Variants in CCNH observed in about 807,000 individuals in gnomAD.
CCNH encodes the protein cyclin H.
CCNH carries 31 observed loss-of-function variants against 41.9 expected under a neutral mutation model. The ratio of observed to expected loss-of-function variants is 0.74; its 90% CI spans 0.56 to 1.00. CCNH has a LOEUF of 1.00. Ranked by LOEUF, CCNH falls within the 50% of genes least tolerant of loss-of-function variation. CCNH has a pLI of 0.00. For synonymous variants in CCNH, 138 were observed against 136.1 expected (o/e 1.01, Z -0.10); for missense variants, 362 against 388.4 (o/e 0.93, Z 0.57).
chr5:87,315,755 A>G (rs1180016695), downstream of CCNH, among the ~76,000 whole-genome samples: 2 of 152,198 alleles, frequency 1.3e-5, no homozygotes, highest in Non-Finnish European at 2.9e-5. Context: ...GTCTGCTTCC[A>G]TTATTTTTGT....
chr5:87,323,279 C>T (rs1354064113), intron 9 of CCNH, among the ~76,000 whole-genome samples: 2 of 152,072 alleles, frequency 1.3e-5, no homozygotes, highest in Admixed American at 6.5e-5. Flanking sequence ...AGGGAGAAAA[C>T]TAATGCCTTA....
At chr5:87,407,887 GGAT>G in intron 4 of CCNH, 86 bp downstream of exon 4, 1 of 965,710 alleles carries the variant, frequency 1.0e-6, no homozygotes, top group East Asian at 2.5e-5. Flanking sequence ...ATAACAACGA[GGAT>G]GATTATGAGT....
chr5:87,378,566 T>G (rs748849625), upstream of CCNH: 1 of 1,574,222 alleles, frequency 6.4e-7, no homozygotes, highest in Admixed American at 1.7e-5. Flanking sequence ...TAATAAGTAT[T>G]TTTGCAAAGA....
intron 9 of CCNH, chr5:87,331,190 T>TAAATTGAGTTA: frequency 1.0e-6 from 1 of 982,878 alleles, no homozygotes; most frequent in Non-Finnish European, 1.6e-6. Flanking sequence ...AGACTGAGGT[T>TAAATTGAGTTA]AAATTGAGTT....
At chr5:87,371,103 A>G (rs1056122734) in intron 9 of CCNH, among the ~76,000 whole-genome samples, 9 of 152,132 alleles carry the variant, frequency 5.9e-5, no homozygotes, top group African/African-American at 1.7e-4. Context: ...GTATTTTACC[A>G]TGGTCCCTCT....
chr5:87,320,347 G>A (rs1044885464), intron 9 of CCNH, among the ~76,000 whole-genome samples: 8 of 152,114 alleles, frequency 5.3e-5, no homozygotes, highest in Admixed American at 2.6e-4. Context: ...CACTTCTCTG[G>A]TACCAGTTTT....
chr5:87,392,514 G>A (rs760805939), downstream of CCNH: 7 of 369,166 alleles, frequency 1.9e-5, no homozygotes, highest in Non-Finnish European at 3.7e-5. Flanking sequence ...GCTGGACTTG[G>A]ACCAACATAG....
At chr5:87,376,242 A>C, downstream of CCNH, 1 of 864,166 alleles carries the variant, frequency 1.2e-6, no homozygotes, top group Non-Finnish European at 1.8e-6. Flanking sequence ...GTAAATAAAC[A>C]ACTAAATATT....
At chr5:87,393,409 C>T (rs910062936), downstream of CCNH, 5 of 152,070 alleles carry the variant, frequency 3.3e-5, no homozygotes, top group Admixed American at 1.3e-4. Flanking sequence ...CTAATTAATC[C>T]TATGAAGAGT....
At chr5:87,331,044 C>A in intron 9 of CCNH, 1 of 1,264,100 alleles carries the variant, frequency 7.9e-7, no homozygotes. Flanking sequence ...GATCTGGTTG[C>A]AGTAGTGTTT....
At chr5:87,360,626 AAATCATATT>A (rs1398055136) in intron 9 of CCNH, among the ~76,000 whole-genome samples, 13 of 152,194 alleles carry the variant, frequency 8.5e-5, no homozygotes, top group African/African-American at 3.1e-4. Context: ...GCCCATTCAC[AAATCATATT>A]AAGTAAATTT....
intron 9 of CCNH, among the ~76,000 whole-genome samples, chr5:87,330,123 A>G (rs1357598761): frequency 1.3e-5 from 2 of 152,158 alleles, no homozygotes; most frequent in Non-Finnish European, 2.9e-5. Flanking sequence ...CATTATTTTC[A>G]GCCTTATGCA....
At chr5:87,405,377 G>A (rs536745640) in intron 4 of CCNH, among the ~76,000 whole-genome samples, 152 of 152,260 alleles carry the variant, frequency 1.0e-3, no homozygotes, top group African/African-American at 3.5e-3. Flanking sequence ...TCAGGAAGAA[G>A]TAAATAAAAA....
At chr5:87,317,878 C>T (rs754917365), downstream of CCNH, among the ~76,000 whole-genome samples, 8 of 152,050 alleles carry the variant, frequency 5.3e-5, no homozygotes, top group African/African-American at 1.2e-4. Context: ...TCAAGCAATC[C>T]GCCCACCTCA....
At chr5:87,331,929 A>G (rs1443497568) in intron 9 of CCNH, among the ~76,000 whole-genome samples, 1 of 152,070 alleles carries the variant, frequency 6.6e-6, no homozygotes, top group Non-Finnish European at 1.5e-5. Context: ...AGACATATAA[A>G]TTTTCAAGTA....
In CCNH at chr5:87,326,724, G is replaced by C. The variant is rs1042330925; in HGVS notation, c.*91-7827C>G. On this transcript the variant is annotated intron_variant and NMD_transcript_variant, in intron 9 of 9. Transcript: ENST00000645953. Reference sequence around the variant, plus strand: ...ATTGGGAAAAGAATGGGGGCTCTTTGGGGGTTTCCTTCTAGAGTTGCCAGG... The same window carrying C: ...ATTGGGAAAAGAATGGGGGCTCTTTCGGGGTTTCCTTCTAGAGTTGCCAGG... 5.9e-5 allele frequency among the ~76,000 whole-genome samples: 9 copies of C among 152,060 alleles called. 1 individual carries two copies. The highest frequency in any genetic ancestry group is 5.2e-4 in the Admixed American group (8 of 15,250).
chr5:87,411,934 T>C (rs1764278395), intron 1 of CCNH, among the ~76,000 whole-genome samples: 1 of 152,098 alleles, frequency 6.6e-6, no homozygotes, highest in African/African-American at 2.4e-5. Flanking sequence ...GAGTGGAGCT[T>C]GCAGGAAAGA....
At chr5:87,389,830 T>G (rs943844092), downstream of CCNH, among the ~76,000 whole-genome samples, 1 of 152,180 alleles carries the variant, frequency 6.6e-6, no homozygotes, top group Admixed American at 6.5e-5. Context: ...ATATTGATTT[T>G]ATTTTTTTTT....
rs749550641 is a variant in CCNH at position 87,376,552 on chromosome 5, G to A, written n.629C>T. On this transcript the variant is annotated non_coding_transcript_exon_variant, in exon 1 of 1. Transcript: ENST00000607486. The stretch of plus-strand genomic sequence containing the variant: ...AAAATCATGCCAGAAGAAGAGTACA[G>A]TGAATTTAAAGAGGTATTAAATTAT... 3 of 1,613,628 alleles carry A rather than the reference G, an allele frequency of 1.9e-6. No individual in the cohort carries two copies. The highest frequency in any genetic ancestry group is 2.7e-5 in the African/African-American group (2 of 74,904).
Sources: allele counts gnomAD v4.1 joint callset (sites outside exome capture counted in the v4.1 genomes callset), GRCh38; gene constraint gnomAD v4.1.1; transcripts MANE v1.5; gene names NCBI Gene and HGNC (gene_info 2026-07-23, HGNC 2026-07-21).